Variants in PTPRZ1 observed in about 807,000 individuals in gnomAD.
PTPRZ1 encodes the protein protein tyrosine phosphatase receptor type Z1.
Under a neutral mutation model 214.1 loss-of-function variants are expected in PTPRZ1, and 82 were observed. The observed-to-expected ratio is 0.38, with a 90% confidence interval of 0.32 to 0.46. The LOEUF (loss-of-function observed/expected upper bound fraction) is 0.46. Among genes scored for constraint, PTPRZ1 ranks in the 20% least tolerant of loss-of-function variants. The pLI is 1.00. For synonymous variants in PTPRZ1, 945 were observed against 987.9 expected (o/e 0.96, Z 0.81); for missense variants, 2,603 against 2,748.7 (o/e 0.95, Z 1.19).
intron 14 of PTPRZ1, among the ~76,000 whole-genome samples, chr7:122,030,472 A>G (rs1371980150): frequency 2.0e-5 from 3 of 152,058 alleles, no homozygotes; most frequent in Non-Finnish European, 4.4e-5. Flanking sequence ...CTTCTAAGCA[A>G]GATCCTTCTA....
chr7:121,873,945 G>A (rs75052642), intron 1 of PTPRZ1, among the ~76,000 whole-genome samples: 19,192 of 152,002 alleles, frequency 0.13, 1,608 homozygotes, highest in East Asian at 0.31. Context: ...TGTGGTGCGG[G>A]GCTGTGTACT....
intron 2 of PTPRZ1, among the ~76,000 whole-genome samples, chr7:121,955,225 T>C (rs747343260): frequency 5.3e-5 from 8 of 152,182 alleles, no homozygotes; most frequent in Non-Finnish European, 8.8e-5. Flanking sequence ...ACAGCCCTGA[T>C]GGTAGTGTCA....
intron 1 of PTPRZ1, among the ~76,000 whole-genome samples, chr7:121,915,336 GC>G (rs1416051002): frequency 1.3e-5 from 2 of 152,136 alleles, no homozygotes; most frequent in African/African-American, 2.4e-5. Context: ...GCCTACTAAT[GC>G]CCCTTGCTCT....
intron 1 of PTPRZ1, among the ~76,000 whole-genome samples, chr7:121,905,045 T>G (rs1031994450): frequency 6.6e-6 from 1 of 152,220 alleles, no homozygotes; most frequent in Non-Finnish European, 1.5e-5. Flanking sequence ...TAGATTTACG[T>G]CTGCTTTTAA....
chr7:122,017,864 G>A (rs1444252203), intron 12 of PTPRZ1, among the ~76,000 whole-genome samples: 2 of 151,920 alleles, frequency 1.3e-5, no homozygotes, highest in Admixed American at 6.6e-5. Context: ...GAGCCACCAC[G>A]CCCAGCCTGA....
chr7:122,061,213 T>C lies in PTPRZ1; in HGVS notation c.6941T>C (p.Leu2314Ser), dbSNP rs751353598. The change falls in exon 30 of 30, where the codon TTA becomes TCA. Residue 2314 changes from leucine to serine, a missense_variant. Coordinates refer to ENST00000393386, the MANE Select transcript of PTPRZ1 (RefSeq NM_002851.3). ...DGNIAESLES[L>S]V ...AATATAGCTGAGAGCTTAGAGTCTT[T>C]AGTTTAACACAGAAAGGGGTGGGGG... is the stretch of plus-strand genomic sequence containing the variant. 1.3e-6 allele frequency: 2 copies of C among 1,596,626 alleles called. No homozygotes were observed. The highest frequency in any genetic ancestry group is 1.7e-6 in the Non-Finnish European group (2 of 1,170,162).
At chr7:121,942,202 G>T (rs1796256208) in intron 2 of PTPRZ1, among the ~76,000 whole-genome samples, 1 of 152,176 alleles carries the variant, frequency 6.6e-6, no homozygotes, top group African/African-American at 2.4e-5. Context: ...CTTCAGAGGG[G>T]TCACCCACCC....
At chr7:121,929,651 C>CA (rs1418907225) in intron 2 of PTPRZ1, among the ~76,000 whole-genome samples, 1 of 150,932 alleles carries the variant, frequency 6.6e-6, no homozygotes, top group East Asian at 1.9e-4. Context: ...ACTAAAAATA[C>CA]AAAAAAATTA....
In PTPRZ1 at chr7:121,901,344, G is replaced by A. The variant is rs538306814; in HGVS notation, c.59-26812G>A. On this transcript the variant is annotated intron_variant, in intron 1 of 29. Transcript: ENST00000393386. ...AAAAATGTAATAAAAGCCAGATTTA[G>A]GTAAATATTATTGCAGAAAAGATGT... Among the ~76,000 whole-genome samples, 18 of 152,192 alleles carry A rather than the reference G, an allele frequency of 1.2e-4. 1 individual carries two copies. The East Asian group carries it at 3.1e-3, about 26-fold the overall frequency.
In PTPRZ1 at chr7:122,034,362, C is replaced by A; in HGVS notation, c.5268C>A (p.Tyr1756Ter). Residue 1756 changes from tyrosine (Y) to a stop codon, truncating the protein, a stop_gained, in exon 17 of 30, where the codon TAC (tyrosine) becomes TAA (stop). Transcript: ENST00000393386. LOFTEE classifies it high-confidence loss of function. ...NHPDNKHKNR[Y>*]INIVAYDHSR... Reference sequence around the variant, plus strand: ...CAGACAACAAGCACAAGAATCGATACATAAATATCGTTGCCTGTAAGTATA... The same window carrying A: ...CAGACAACAAGCACAAGAATCGATAAATAAATATCGTTGCCTGTAAGTATA... 1 of 1,612,704 alleles carries A rather than the reference C, an allele frequency of 6.2e-7. No individual in the cohort carries two copies. Among genetic ancestry groups the A allele is most frequent in the Non-Finnish European group, 8.5e-7 (1 of 1,179,174 alleles).
chr7:121,887,527 A>G (rs1479444385), intron 1 of PTPRZ1, among the ~76,000 whole-genome samples: 1 of 152,154 alleles, frequency 6.6e-6, no homozygotes, highest in Non-Finnish European at 1.5e-5. Context: ...TAACAGGTCC[A>G]AGAGTCTATA....
intron 8 of PTPRZ1, among the ~76,000 whole-genome samples, chr7:121,992,941 C>A (rs1253266202): frequency 6.6e-6 from 1 of 151,990 alleles, no homozygotes; most frequent in African/African-American, 2.4e-5. Flanking sequence ...TGACGTGGGC[C>A]CCAGACTCAC....
intron 1 of PTPRZ1, among the ~76,000 whole-genome samples, chr7:121,904,258 A>G (rs1795055355): frequency 6.6e-6 from 1 of 152,102 alleles, no homozygotes; most frequent in African/African-American, 2.4e-5. Flanking sequence ...CCGTTTTTCA[A>G]GTATCTCACT....
intron 8 of PTPRZ1, among the ~76,000 whole-genome samples, chr7:121,993,707 C>T (rs1347272139): frequency 6.6e-6 from 1 of 151,540 alleles, no homozygotes; most frequent in African/African-American, 2.4e-5. Context: ...ATGGTTTGAA[C>T]ACCAAATAGT....
At chr7:122,026,164 C>A (rs946472921) in intron 13 of PTPRZ1, among the ~76,000 whole-genome samples, 4 of 152,048 alleles carry the variant, frequency 2.6e-5, no homozygotes, top group African/African-American at 9.7e-5. Context: ...AAAATAAAAT[C>A]TAGGAAATAA....
At chr7:121,877,127 G>C (rs1005334949) in intron 1 of PTPRZ1, among the ~76,000 whole-genome samples, 6 of 152,176 alleles carry the variant, frequency 3.9e-5, no homozygotes, top group Non-Finnish European at 7.4e-5. Flanking sequence ...TTTCAGCACT[G>C]AGCATTTTAT....
chr7:122,051,546 A>G (rs750916106), intron 24 of PTPRZ1, 25 bp downstream of exon 24: 1 of 1,582,588 alleles, frequency 6.3e-7, no homozygotes, highest in Non-Finnish European at 8.6e-7. Flanking sequence ...TCCTTGAAAA[A>G]ACAACTTTTT....
At chr7:121,878,378 A>T (rs904853461) in intron 1 of PTPRZ1, among the ~76,000 whole-genome samples, 4 of 152,204 alleles carry the variant, frequency 2.6e-5, no homozygotes, top group African/African-American at 9.6e-5. Flanking sequence ...TAAAATAATG[A>T]TTGATAGAAC....
Position 122,011,864 on chromosome 7 carries a change from T to C in PTPRZ1, c.2818T>C (p.Phe940Leu). ...TGATAATGAGGGCTCCCAACACATC[T>C]TCACTGTTTCTTACAGTTCTGCAAT... ...LSDNEGSQHI[F>L]TVSYSSAIPV... Residue 940 changes from phenylalanine (F) to leucine (L), a missense_variant, in exon 12 of 30, where the codon TTC (phenylalanine) becomes CTC (leucine). By Grantham distance (22) the Phe-to-Leu change is conservative. Coordinates refer to ENST00000393386, the MANE Select transcript of PTPRZ1 (RefSeq NM_002851.3). 1 of 1,613,992 alleles carries C rather than the reference T, an allele frequency of 6.2e-7. No homozygotes were observed. The highest frequency in any genetic ancestry group is 8.5e-7 in the Non-Finnish European group (1 of 1,179,842).
Sources: gnomAD v4.1 joint callset for allele counts (sites outside exome capture counted in the v4.1 genomes callset) on GRCh38, gnomAD v4.1.1 for gene constraint, MANE v1.5 for transcripts, NCBI Gene and HGNC (gene_info 2026-07-23, HGNC 2026-07-21) for gene names.